Variants in PCDHA8 observed in about 807,000 individuals in gnomAD.
PCDHA8 encodes protocadherin alpha-8.
PCDHA8 carries 53 observed loss-of-function variants against 61.8 expected under a neutral mutation model. That is an observed-to-expected ratio of 0.86 (90% CI 0.69 to 1.08). The LOEUF is 1.08. PCDHA8 is among the 50% of genes least tolerant of loss of function. The pLI is 0.00. For synonymous variants in PCDHA8, 618 were observed against 556.6 expected, an observed-to-expected ratio of 1.11 and a Z score of -1.55; for missense variants, 1,293 against 1,245.0, an observed-to-expected ratio of 1.04 and a Z score of -0.58.
At chr5:140,869,394 G>C (rs782128248) in intron 1 of PCDHA8, 1 of 1,614,196 alleles carries the variant, frequency 6.2e-7, no homozygotes, top group Non-Finnish European at 8.5e-7. Context: ...AGCTGTGCGG[G>C]CAGAGCGCGG....
intron 1 of PCDHA8, among the ~76,000 whole-genome samples, chr5:140,920,661 T>C (rs1301918138): frequency 3.9e-5 from 6 of 152,042 alleles, no homozygotes; most frequent in African/African-American, 1.4e-4. Flanking sequence ...CTTGCCAACA[T>C]GGTGAAACCC....
At position 141,010,411 on chromosome 5, in the gene PCDHA8, G is replaced by A. The variant is rs1215041869; in HGVS notation, c.*474G>A. On this transcript the variant is annotated 3_prime_UTR_variant, in exon 4 of 4. Coordinates refer to ENST00000531613, the MANE Select transcript of PCDHA8 (RefSeq NM_018911.3). Reference sequence around the variant, plus strand: ...TGAGACGAGCCAGCTTAGACTAATTGGTACAAGGAAGGCAAGAAAACAAAG... The same window carrying A: ...TGAGACGAGCCAGCTTAGACTAATTAGTACAAGGAAGGCAAGAAAACAAAG... The A allele has an allele frequency of 8.2e-7, 1 of 1,224,354 alleles. No individual in the cohort carries two copies. Among genetic ancestry groups the A allele is most frequent in the Admixed American group, 2.9e-5 (1 of 35,038 alleles). 75.8% of individuals were successfully genotyped at this position (1,224,354 alleles called of 1,614,324 possible).
intron 1 of PCDHA8, among the ~76,000 whole-genome samples, chr5:140,846,545 T>G (rs1374856613): frequency 6.7e-6 from 1 of 148,364 alleles, no homozygotes; most frequent in Non-Finnish European, 1.5e-5. Context: ...CTGCTAATTT[T>G]TTGTATTTTT....
intron 1 of PCDHA8, chr5:140,929,053 T>C (rs781847457): frequency 6.2e-7 from 1 of 1,614,182 alleles, no homozygotes; most frequent in Non-Finnish European, 8.5e-7. Flanking sequence ...CTGCTGTCGC[T>C]CTACAGAGGA....
rs1238131938 is a variant in PCDHA8, at chr5:141,010,564, G to A, written c.*627G>A. Reference sequence around the variant, plus strand: ...GAGACAAAACTACCCCCACTGACAAGGCTTTAGGAGACCCTAAAGTCTGTT... The same window carrying A: ...GAGACAAAACTACCCCCACTGACAAAGCTTTAGGAGACCCTAAAGTCTGTT... On this transcript the variant is annotated 3_prime_UTR_variant, in exon 4 of 4. Coordinates refer to ENST00000531613, the MANE Select transcript of PCDHA8 (RefSeq NM_018911.3). 1 of 289,402 alleles carries A rather than the reference G, an allele frequency of 3.5e-6. No homozygotes were observed. Among genetic ancestry groups the A allele is most frequent in the Non-Finnish European group, 6.5e-6 (1 of 154,048 alleles). 17.9% of individuals were successfully genotyped at this position (289,402 alleles called of 1,614,324 possible).
At chr5:140,981,186 T>G (rs1307228709) in intron 2 of PCDHA8, among the ~76,000 whole-genome samples, 1 of 152,234 alleles carries the variant, frequency 6.6e-6, no homozygotes, top group Non-Finnish European at 1.5e-5. Flanking sequence ...AGTTCAAGTT[T>G]GCCTGCTCTG....
chr5:140,942,588 A>T (rs1416575390), intron 1 of PCDHA8, among the ~76,000 whole-genome samples: 1 of 149,588 alleles, frequency 6.7e-6, no homozygotes, highest in South Asian at 2.1e-4. Flanking sequence ...AGGATGTCAC[A>T]TATAATTATA....
chr5:140,876,759 T>A, intron 1 of PCDHA8: 1 of 1,614,146 alleles, frequency 6.2e-7, no homozygotes, highest in Non-Finnish European at 8.5e-7. Context: ...CTGCGCGGGA[T>A]GGGGGCTCGC....
intron 3 of PCDHA8, among the ~76,000 whole-genome samples, chr5:140,999,223 G>A (rs1554256702): frequency 3.3e-5 from 5 of 152,316 alleles, no homozygotes; most frequent in African/African-American, 1.2e-4. Flanking sequence ...TACTACATTT[G>A]AGAATAGGTG....
intron 1 of PCDHA8, among the ~76,000 whole-genome samples, chr5:140,879,613 T>C (rs2058057940): frequency 6.6e-6 from 1 of 152,200 alleles, no homozygotes; most frequent in Non-Finnish European, 1.5e-5. Context: ...TGTGTCCAGG[T>C]ACTTAGGTGG....
chr5:140,851,463 G>C (rs1194351869), intron 1 of PCDHA8: 1 of 894,166 alleles, frequency 1.1e-6, no homozygotes, highest in Non-Finnish European at 1.4e-6. Flanking sequence ...ATCAAATTAT[G>C]TCAATAAATG....
chr5:140,998,646 C>G (rs1413467899), intron 3 of PCDHA8, among the ~76,000 whole-genome samples: 1 of 151,870 alleles, frequency 6.6e-6, no homozygotes, highest in Non-Finnish European at 1.5e-5. Flanking sequence ...CTCACTGCAA[C>G]CTCTGCCTCC....
intron 1 of PCDHA8, among the ~76,000 whole-genome samples, chr5:140,893,520 T>G (rs1490032872): frequency 6.6e-6 from 1 of 152,152 alleles, no homozygotes; most frequent in Non-Finnish European, 1.5e-5. Flanking sequence ...GTTGTAGAAC[T>G]CCTTTAAGTA....
At chr5:140,941,624 T>A (rs2093131699) in intron 1 of PCDHA8, among the ~76,000 whole-genome samples, 1 of 151,964 alleles carries the variant, frequency 6.6e-6, no homozygotes, top group Non-Finnish European at 1.5e-5. Flanking sequence ...CCATCCTGCT[T>A]CTTAATTTCT....
chr5:141,003,638 G>C (rs2098132492), intron 3 of PCDHA8, among the ~76,000 whole-genome samples: 1 of 152,118 alleles, frequency 6.6e-6, no homozygotes, highest in Admixed American at 6.6e-5. Flanking sequence ...TAAAGTAGAA[G>C]TGAAGATCTG....
intron 1 of PCDHA8, chr5:140,862,985 G>A: frequency 1.8e-6 from 1 of 547,112 alleles, no homozygotes; most frequent in Non-Finnish European, 3.6e-6. Flanking sequence ...GGTGGCGAAG[G>A]TGCGCACGGT....
At position 140,858,879 on chromosome 5, in the gene PCDHA8, CATGTGTAGAAT is replaced by C. The variant is rs2045639159; in HGVS notation, c.2394+15173_2394+15183del. On this transcript the variant is annotated intron_variant, in intron 1 of 3. Transcript: ENST00000531613. ...TCTTCAGTGAAAATGTGTTTTCCTC[CATGTGTAGAAT>C]ATGTGTAGCGTACCACAGCTTATAC... 2.9e-5 allele frequency: 7 copies of C among 243,802 alleles called. No homozygotes were observed. In the South Asian group the frequency reaches 3.1e-4, roughly 11 times the overall value. The allele number at this position is 243,802 out of a possible 1,614,324, so 15.1% of individuals were successfully genotyped here. A position where few individuals can be genotyped will look rare whatever the true frequency, so the allele number is the denominator to read the frequency against.
chr5:140,998,708 G>A (rs2153953637), intron 3 of PCDHA8, among the ~76,000 whole-genome samples: 1 of 152,142 alleles, frequency 6.6e-6, no homozygotes, highest in South Asian at 2.1e-4. Context: ...GGGATTACAA[G>A]CTTGCACCAC....
intron 1 of PCDHA8, chr5:140,869,468 A>T (rs1221686748): frequency 1.9e-5 from 31 of 1,614,054 alleles, no homozygotes; most frequent in Non-Finnish European, 2.6e-5. Flanking sequence ...GTGAACGTGG[A>T]GGTGAAGGAC....
Sources: gnomAD v4.1 joint callset for allele counts (sites outside exome capture counted in the v4.1 genomes callset) on GRCh38, gnomAD v4.1.1 for gene constraint, MANE v1.5 for transcripts, NCBI Gene and HGNC (gene_info 2026-07-23, HGNC 2026-07-21) for gene names.